CNTNAP5: variants seen among roughly 807,000 people sequenced by gnomAD.
CNTNAP5 encodes the protein contactin associated protein family member 5.
Under a neutral mutation model 150.2 loss-of-function variants are expected in CNTNAP5, and 72 were observed. That is an observed-to-expected ratio of 0.48 (90% confidence interval 0.40 to 0.58). The LOEUF (loss-of-function observed/expected upper bound fraction) is 0.58, where lower values mean the gene tolerates loss of function less well. CNTNAP5 is among the 20% of genes least tolerant of loss of function. The pLI is 0.00. For synonymous variants in CNTNAP5, 672 were observed against 619.8 expected, an observed-to-expected ratio of 1.08 and a Z score of -1.25; for missense variants, 1,636 against 1,626.2, an observed-to-expected ratio of 1.01 and a Z score of -0.10.
intron 1 of CNTNAP5, among the ~76,000 whole-genome samples, chr2:124,185,263 G>A (rs1270949248): frequency 6.6e-6 from 1 of 152,132 alleles, no homozygotes; most frequent in Non-Finnish European, 1.5e-5. Context: ...CCCTGCACAA[G>A]GTTCCTCTCT....
chr2:124,077,707 T>C (rs1016887959), intron 1 of CNTNAP5, among the ~76,000 whole-genome samples: 10 of 152,220 alleles, frequency 6.6e-5, no homozygotes, highest in South Asian at 4.1e-4. Context: ...TGATTCTTTG[T>C]CCTCAATTAA....
chr2:124,569,864 G>A lies in CNTNAP5; in HGVS notation c.1756+6541G>A, dbSNP rs183446356. ...CAGATGTTATAGTAATCATTGCAGA[G>A]GGACAACACTTGCTTTAACAGTAGG... is the stretch of plus-strand genomic sequence containing the variant. On this transcript the variant is annotated intron_variant, in intron 11 of 23. Transcript: ENST00000682447. 3.6e-4 allele frequency among the ~76,000 whole-genome samples: 55 copies of A among 152,280 alleles called. 1 individual carries two copies. In the East Asian group the frequency reaches 0.01, roughly 28 times the overall value.
Position 124,228,665 on chromosome 2 carries a change from C to CATACT in CNTNAP5, c.187+6860_187+6864dup, listed in dbSNP as rs145546106. Among the ~76,000 whole-genome samples, 577 of 152,214 alleles carry CATACT rather than the reference C, an allele frequency of 3.8e-3. 4 individuals are homozygous for CATACT. The highest frequency in any genetic ancestry group is 0.013 in the African/African-American group (557 of 41,526). On this transcript the variant is annotated intron_variant, in intron 2 of 23. Coordinates refer to ENST00000682447, the MANE Select transcript of CNTNAP5 (RefSeq NM_001367498.1). Reference sequence around the variant, plus strand: ...TTGTTCCAGGAGGATACTGAAAGATCATACTATATTTTCTTATGATTTCAA... The same window carrying CATACT: ...TTGTTCCAGGAGGATACTGAAAGATCATACTATACTATATTTTCTTATGATTTCAA...
intron 1 of CNTNAP5, among the ~76,000 whole-genome samples, chr2:124,172,451 C>T (rs1299853150): frequency 6.6e-6 from 1 of 152,292 alleles, no homozygotes; most frequent in Non-Finnish European, 1.5e-5. Context: ...CTCACTCTAT[C>T]ACCCAGGCTA....
At chr2:124,442,154 C>A (rs993234444) in intron 5 of CNTNAP5, among the ~76,000 whole-genome samples, 1 of 151,794 alleles carries the variant, frequency 6.6e-6, no homozygotes, top group Admixed American at 6.6e-5. Flanking sequence ...AAGTTAAGAC[C>A]CAGGAGAGAA....
chr2:124,726,973 T>C (rs554154132), intron 13 of CNTNAP5, among the ~76,000 whole-genome samples: 3 of 152,256 alleles, frequency 2.0e-5, no homozygotes, highest in Admixed American at 6.5e-5. Flanking sequence ...GTACAGGTCT[T>C]TTGTTTAAAT....
chr2:124,865,283 A>C, intron 19 of CNTNAP5, 23 bp from the exon 20 acceptor site: 1 of 1,542,592 alleles, frequency 6.5e-7, no homozygotes, highest in Non-Finnish European at 8.8e-7. Flanking sequence ...TTATATTCTA[A>C]TTTCTAATAT....
chr2:124,641,028 A>T (rs1223270860), intron 12 of CNTNAP5, among the ~76,000 whole-genome samples: 1 of 149,278 alleles, frequency 6.7e-6, no homozygotes, highest in African/African-American at 2.5e-5. Flanking sequence ...TGGAAGGCTG[A>T]GGCAAGAGAA....
intron 3 of CNTNAP5, among the ~76,000 whole-genome samples, chr2:124,409,182 G>C (rs1382071288): frequency 2.2e-5 from 3 of 139,000 alleles, no homozygotes; most frequent in Admixed American, 1.5e-4. Flanking sequence ...AGAGAAAAAA[G>C]AATAAAAAGA....
At position 124,713,588 on chromosome 2, in the gene CNTNAP5, G is replaced by A. The variant is rs866101219; in HGVS notation, c.2078-33641G>A. On this transcript the variant is annotated intron_variant, in intron 13 of 23. Coordinates refer to ENST00000682447, the MANE Select transcript of CNTNAP5 (RefSeq NM_001367498.1). ...ACAGGGTTTCACTATGTCGGCTAGG[G>A]TGGTCTTGAACTCCTGACCTCAAGT... Among the ~76,000 whole-genome samples the A allele has an allele frequency of 2.0e-5, 3 of 151,712 alleles. No homozygotes were observed. The South Asian group carries it at 6.3e-4, about 32-fold the overall frequency.
At chr2:124,287,371 T>C (rs892639273) in intron 3 of CNTNAP5, among the ~76,000 whole-genome samples, 1 of 152,160 alleles carries the variant, frequency 6.6e-6, no homozygotes, top group Middle Eastern at 3.2e-3. Flanking sequence ...ATAAAGGATT[T>C]GCAGCTCTTT....
intron 18 of CNTNAP5, among the ~76,000 whole-genome samples, chr2:124,794,736 AC>A (rs1455826922): frequency 6.6e-6 from 1 of 152,166 alleles, no homozygotes; most frequent in East Asian, 1.9e-4. Flanking sequence ...TTCAACAGTT[AC>A]AAACTCATGA....
intron 7 of CNTNAP5, among the ~76,000 whole-genome samples, chr2:124,479,780 T>C (rs1045027080): frequency 3.3e-5 from 5 of 152,168 alleles, no homozygotes; most frequent in African/African-American, 1.2e-4. Context: ...AAAATCATAA[T>C]TGAAACATTG....
intron 7 of CNTNAP5, among the ~76,000 whole-genome samples, chr2:124,494,363 G>A (rs550763341): frequency 7.9e-5 from 12 of 152,142 alleles, no homozygotes; most frequent in African/African-American, 2.6e-4. Flanking sequence ...TCAAGGACAG[G>A]AGAGGAAGAG....
intron 1 of CNTNAP5, among the ~76,000 whole-genome samples, chr2:124,081,976 C>T (rs1386629317): frequency 1.3e-5 from 2 of 152,240 alleles, no homozygotes; most frequent in East Asian, 1.9e-4. Context: ...TAGTCAGTTT[C>T]TTCTCAACCT....
At chr2:124,639,892 A>T (rs1285267934) in intron 12 of CNTNAP5, among the ~76,000 whole-genome samples, 1 of 152,092 alleles carries the variant, frequency 6.6e-6, no homozygotes, top group African/African-American at 2.4e-5. Flanking sequence ...CCAAATGCCA[A>T]TACACTGAGT....
chr2:124,716,418 C>T (rs565753750), intron 13 of CNTNAP5, among the ~76,000 whole-genome samples: 2 of 151,948 alleles, frequency 1.3e-5, no homozygotes, highest in African/African-American at 4.8e-5. Flanking sequence ...TTATAGAACA[C>T]CTGCTTCTGT....
At chr2:124,715,152 A>G (rs964743442) in intron 13 of CNTNAP5, among the ~76,000 whole-genome samples, 14 of 152,184 alleles carry the variant, frequency 9.2e-5, no homozygotes, top group African/African-American at 3.1e-4. Flanking sequence ...TGGGCATTTC[A>G]CTGAAGAGAA....
chr2:124,910,218 G>A (rs62173300), intron 22 of CNTNAP5, among the ~76,000 whole-genome samples: 14,569 of 151,960 alleles, frequency 0.096, 719 homozygotes, highest in South Asian at 0.15. Context: ...CAAGTGCTGT[G>A]GTATGAAGAA....
Sources: gnomAD v4.1 joint callset for allele counts (sites outside exome capture counted in the v4.1 genomes callset) on GRCh38, gnomAD v4.1.1 for gene constraint, MANE v1.5 for transcripts, NCBI Gene and HGNC (gene_info 2026-07-23, HGNC 2026-07-21) for gene names.